GPR158: variants seen among roughly 807,000 people sequenced by gnomAD.
The protein encoded by GPR158 is metabotropic glycine receptor.
Under a neutral mutation model 78.2 loss-of-function variants are expected in GPR158, and 30 were observed. The observed-to-expected ratio is 0.38, with a 90% CI of 0.29 to 0.52. The LOEUF (loss-of-function observed/expected upper bound fraction) is 0.52, where lower values mean the gene tolerates loss of function less well. Ranked by LOEUF, GPR158 falls within the 20% of genes least tolerant of loss-of-function variation. The probability of loss-of-function intolerance (pLI) is 0.83; values close to 1 mark genes in which losing one functional copy is unlikely to be tolerated. For synonymous variants in GPR158, 581 were observed against 591.1 expected (o/e 0.98, Z 0.25); for missense variants, 1,463 against 1,523.5 (o/e 0.96, Z 0.66).
chr10:25,296,236 G>A (rs1854511856), intron 2 of GPR158, among the ~76,000 whole-genome samples: 2 of 151,944 alleles, frequency 1.3e-5, no homozygotes, highest in Admixed American at 1.3e-4. Context: ...TAGTGATAAT[G>A]GGACACAGTC....
intron 1 of GPR158, among the ~76,000 whole-genome samples, chr10:25,202,662 C>T (rs1852950819): frequency 6.6e-6 from 1 of 152,112 alleles, no homozygotes; most frequent in Non-Finnish European, 1.5e-5. Flanking sequence ...CATTGTTGGA[C>T]ATTTGGATTG....
chr10:25,546,107 A>C (rs1836658750), intron 5 of GPR158, among the ~76,000 whole-genome samples: 1 of 152,140 alleles, frequency 6.6e-6, no homozygotes, highest in African/African-American at 2.4e-5. Context: ...GAGGCAGGGA[A>C]TGACCACTGT....
chr10:25,580,490 T>C (rs1837174038), intron 7 of GPR158, among the ~76,000 whole-genome samples: 1 of 152,196 alleles, frequency 6.6e-6, no homozygotes, highest in African/African-American at 2.4e-5. Flanking sequence ...AATTCTAAAA[T>C]AGCAATTGTT....
rs1319919816 is a variant in GPR158, at chr10:25,594,404, T to A, written c.1998+7T>A. On this transcript the variant is annotated splice_region_variant and intron_variant, in intron 9 of 10. Coordinates refer to ENST00000376351, the MANE Select transcript of GPR158 (RefSeq NM_020752.3). The stretch of plus-strand genomic sequence containing the variant: ...GTTGCTTTTGATTCCAAAGGTATTC[T>A]TCTAATATTACTTTTTTTTTTGCAA... 7.6e-7 allele frequency: 1 copy of A among 1,323,654 alleles called. No individual in the cohort carries two copies. Among genetic ancestry groups the A allele is most frequent in the Non-Finnish European group, 1.1e-6 (1 of 936,058 alleles). 82.0% of individuals were successfully genotyped at this position (1,323,654 alleles called of 1,614,324 possible).
chr10:25,534,968 C>T (rs773080569), intron 5 of GPR158, among the ~76,000 whole-genome samples: 9 of 152,190 alleles, frequency 5.9e-5, no homozygotes, highest in Admixed American at 1.3e-4. Context: ...ATGGGTTAGA[C>T]TCTGTTGGAG....
At chr10:25,399,057 T>G (rs903931828) in intron 3 of GPR158, among the ~76,000 whole-genome samples, 9 of 152,142 alleles carry the variant, frequency 5.9e-5, no homozygotes, top group African/African-American at 2.2e-4. Flanking sequence ...AGAGATTTAA[T>G]TGACTCACAG....
intron 2 of GPR158, among the ~76,000 whole-genome samples, chr10:25,335,918 C>T (rs1010795003): frequency 5.9e-5 from 9 of 151,882 alleles, no homozygotes; most frequent in Admixed American, 5.9e-4. Context: ...CATTCTGTTC[C>T]ATTATTGGTA....
chr10:25,392,205 C>T (rs748086917), intron 2 of GPR158, among the ~76,000 whole-genome samples: 27 of 152,204 alleles, frequency 1.8e-4, no homozygotes, highest in Admixed American at 3.3e-4. Context: ...TATGGTACAC[C>T]TGGTTCAGCT....
intron 4 of GPR158, among the ~76,000 whole-genome samples, chr10:25,434,707 A>G (rs1268880278): frequency 6.6e-6 from 1 of 152,228 alleles, no homozygotes; most frequent in Non-Finnish European, 1.5e-5. Flanking sequence ...AATAGTGATT[A>G]AGGTCACAGA....
chr10:25,514,268 T>C (rs1836130283), intron 5 of GPR158, among the ~76,000 whole-genome samples: 1 of 152,154 alleles, frequency 6.6e-6, no homozygotes, highest in African/African-American at 2.4e-5. Flanking sequence ...TCCCTCTGTC[T>C]TTTTTTAACT....
chr10:25,537,875 A>G (rs558089597), intron 5 of GPR158, among the ~76,000 whole-genome samples: 9 of 152,034 alleles, frequency 5.9e-5, no homozygotes, highest in Admixed American at 2.6e-4. Flanking sequence ...TTCACCTTCT[A>G]TGGTGATTGT....
intron 2 of GPR158, among the ~76,000 whole-genome samples, chr10:25,252,149 TG>T (rs1853812537): frequency 6.6e-6 from 1 of 152,114 alleles, no homozygotes; most frequent in African/African-American, 2.4e-5. Context: ...TCTCGAGCCT[TG>T]GTTTTCAGCT....
intron 5 of GPR158, among the ~76,000 whole-genome samples, chr10:25,508,917 C>T (rs1051920922): frequency 4.6e-5 from 7 of 152,136 alleles, no homozygotes; most frequent in African/African-American, 1.4e-4. Flanking sequence ...TTTTAACACG[C>T]CTTAGCATCT....
intron 5 of GPR158, among the ~76,000 whole-genome samples, chr10:25,467,752 G>A (rs1054975144): frequency 6.6e-6 from 1 of 152,110 alleles, no homozygotes; most frequent in African/African-American, 2.4e-5. Context: ...CACTTGGAAA[G>A]ATGGGGCAAA....
chr10:25,313,506 AT>A (rs1482048806), intron 2 of GPR158, among the ~76,000 whole-genome samples: 4 of 151,664 alleles, frequency 2.6e-5, no homozygotes, highest in South Asian at 4.2e-4. Flanking sequence ...AAAAAAAAAA[AT>A]ATATTTTAAT....
chr10:25,386,448 AT>A (rs1016429809), intron 2 of GPR158, among the ~76,000 whole-genome samples: 1 of 152,044 alleles, frequency 6.6e-6, no homozygotes, highest in African/African-American at 2.4e-5. Flanking sequence ...AGTTTAGGAC[AT>A]TTTTTCGATT....
intron 2 of GPR158, among the ~76,000 whole-genome samples, chr10:25,354,547 T>C (rs1855521237): frequency 6.6e-6 from 1 of 152,150 alleles, no homozygotes; most frequent in Non-Finnish European, 1.5e-5. Flanking sequence ...TTGTTTTTAA[T>C]AGATTTGCCT....
intron 4 of GPR158, chr10:25,466,395 T>C: frequency 8.1e-6 from 3 of 371,098 alleles, no homozygotes. Flanking sequence ...GCTCAGGCTT[T>C]TTAATGATAC....
At chr10:25,591,356 T>C (rs1837338274) in intron 8 of GPR158, among the ~76,000 whole-genome samples, 3 of 152,158 alleles carry the variant, frequency 2.0e-5, no homozygotes. Context: ...GTTTTTCTAC[T>C]GATTCAAGGT....
Sources: allele counts gnomAD v4.1 joint callset (sites outside exome capture counted in the v4.1 genomes callset), GRCh38; gene constraint gnomAD v4.1.1; transcripts MANE v1.5; gene names NCBI Gene and HGNC (gene_info 2026-07-23, HGNC 2026-07-21).